Variants in IQCK observed in about 807,000 individuals in gnomAD.
The protein encoded by IQCK is IQ domain-containing protein K.
IQCK carries 29 observed loss-of-function variants against 28.1 expected under a neutral mutation model. That is an observed-to-expected ratio of 1.03 (90% CI 0.77 to 1.41). The LOEUF (loss-of-function observed/expected upper bound fraction) is 1.41, where lower values mean the gene tolerates loss of function less well. Among genes scored for constraint, IQCK ranks in the 40% most tolerant of loss-of-function variants. The pLI, the probability that IQCK is intolerant of heterozygous loss-of-function variation, is 0.00. For synonymous variants in IQCK, 113 were observed against 115.1 expected, an observed-to-expected ratio of 0.98 and a Z score of 0.12; for missense variants, 359 against 314.7, an observed-to-expected ratio of 1.14 and a Z score of -1.07.
intron 9 of IQCK, among the ~76,000 whole-genome samples, chr16:19,846,912 C>T (rs994778031): frequency 1.3e-5 from 2 of 151,948 alleles, no homozygotes; most frequent in Non-Finnish European, 2.9e-5. Context: ...ATAATACACT[C>T]CCCTGCCTTT....
At chr16:19,729,891 G>A (rs946746289) in intron 1 of IQCK, among the ~76,000 whole-genome samples, 4 of 151,620 alleles carry the variant, frequency 2.6e-5, no homozygotes, top group East Asian at 2.0e-4. Flanking sequence ...TGATCCGCCC[G>A]CCTCTGCCTC....
chr16:19,725,379 T>C (rs1490325887), intron 1 of IQCK, among the ~76,000 whole-genome samples: 1 of 152,130 alleles, frequency 6.6e-6, no homozygotes, highest in Non-Finnish European at 1.5e-5. Context: ...ATATTTGTTG[T>C]AGAGACAGGG....
chr16:19,730,494 GGTGA>G lies in IQCK; in HGVS notation c.246+3_246+6del, dbSNP rs756983253. The G allele has an allele frequency of 5.0e-6, 8 of 1,605,050 alleles. No individual in the cohort carries two copies. Among genetic ancestry groups the G allele is most frequent in the Non-Finnish European group, 6.8e-6 (8 of 1,175,084 alleles). ...AAGTCAAACAGGAGCCTGTGATTAC[GGTGA>G]GTATTACCTAGGCCTCAACCGAAGC... On this transcript the variant is annotated splice_donor_variant and splice_donor_region_variant and intron_variant, in intron 2 of 7. Coordinates refer to ENST00000564186, the Ensembl canonical transcript of IQCK. LOFTEE classifies it high-confidence loss of function.
intron 6 of IQCK, among the ~76,000 whole-genome samples, chr16:19,766,258 G>A (rs1360299214): frequency 2.0e-5 from 3 of 152,242 alleles, no homozygotes; most frequent in South Asian, 2.1e-4. Flanking sequence ...ATAAAGTATG[G>A]CCCTGGCCCC....
At chr16:19,815,838 A>G (rs1437462753) in intron 7 of IQCK, among the ~76,000 whole-genome samples, 1 of 152,230 alleles carries the variant, frequency 6.6e-6, no homozygotes, top group African/African-American at 2.4e-5. Flanking sequence ...TGAATATTTT[A>G]TTAATATAAG....
intron 2 of IQCK, among the ~76,000 whole-genome samples, chr16:19,733,483 C>T (rs982054261): frequency 3.3e-5 from 5 of 152,094 alleles, no homozygotes; most frequent in African/African-American, 1.2e-4. Flanking sequence ...ACAAACGTCT[C>T]ATCCACAGCT....
chr16:19,842,436 T>C (rs2056372183), intron 9 of IQCK, among the ~76,000 whole-genome samples: 1 of 152,242 alleles, frequency 6.6e-6, no homozygotes, highest in Admixed American at 6.5e-5. Context: ...AGATTTTCCC[T>C]GAATTTGCCA....
chr16:19,754,305 G>A (rs1291564133), intron 4 of IQCK, among the ~76,000 whole-genome samples: 1 of 152,188 alleles, frequency 6.6e-6, no homozygotes, highest in African/African-American at 2.4e-5. Flanking sequence ...CTGGAACAAT[G>A]CACTTTGCTT....
chr16:19,725,631 T>G (rs528214822), intron 1 of IQCK, among the ~76,000 whole-genome samples: 2 of 152,352 alleles, frequency 1.3e-5, no homozygotes, highest in South Asian at 2.1e-4. Context: ...AGTCCAGTAC[T>G]CTACAAACTT....
rs569298487 is a variant in IQCK at position 19,721,007 on chromosome 16, G to A, written c.181+2520G>A. Among the ~76,000 whole-genome samples, 300 of 147,440 alleles carry A rather than the reference G, an allele frequency of 2.0e-3. 3 individuals carry two copies. Among genetic ancestry groups the A allele is most frequent in the African/African-American group, 7.1e-3 (282 of 39,710 alleles). ...AGCCTGGGCAACAAAGTAAGAATCC[G>A]TCTAGAAAAAAAAAAAAAACAATTC... On this transcript the variant is annotated intron_variant, in intron 1 of 7. Coordinates refer to ENST00000564186, the Ensembl canonical transcript of IQCK.
At chr16:19,735,908 T>A in intron 4 of IQCK, 1 of 334,526 alleles carries the variant, frequency 3.0e-6, no homozygotes, top group Non-Finnish European at 5.8e-6. Flanking sequence ...AAAAAAATTT[T>A]TTTTTAAATT....
At chr16:19,762,800 GAGCTT>G (rs1035972742) in intron 4 of IQCK, among the ~76,000 whole-genome samples, 1 of 152,144 alleles carries the variant, frequency 6.6e-6, no homozygotes, top group Non-Finnish European at 1.5e-5. Context: ...CAGACTGCTT[GAGCTT>G]AGGAGTTCAA....
intron 4 of IQCK, among the ~76,000 whole-genome samples, chr16:19,755,149 G>A (rs1211977444): frequency 1.3e-5 from 2 of 152,140 alleles, no homozygotes; most frequent in Non-Finnish European, 2.9e-5. Context: ...GGGAATTATC[G>A]GGTATCTGGA....
intron 9 of IQCK, among the ~76,000 whole-genome samples, chr16:19,856,104 T>A (rs1597618237): frequency 6.6e-6 from 1 of 152,282 alleles, no homozygotes; most frequent in East Asian, 1.9e-4. Context: ...CCCTGAGTTT[T>A]CCATTTTGGG....
intron 4 of IQCK, among the ~76,000 whole-genome samples, chr16:19,763,231 A>G (rs2055175865): frequency 6.6e-6 from 1 of 152,210 alleles, no homozygotes; most frequent in African/African-American, 2.4e-5. Flanking sequence ...CTTATAAGTA[A>G]GGTAGCAAAA....
At chr16:19,720,193 A>G (rs1182099987) in intron 1 of IQCK, among the ~76,000 whole-genome samples, 1 of 152,124 alleles carries the variant, frequency 6.6e-6, no homozygotes, top group Admixed American at 6.5e-5. Flanking sequence ...CCAGTACTTA[A>G]ATTCCTTCTC....
Position 19,774,398 on chromosome 16 carries a change from C to CTTTTTTT in IQCK, c.605+10307_605+10313dup, listed in dbSNP as rs1167894201. Among the ~76,000 whole-genome samples, 21 of 104,098 alleles carry CTTTTTTT rather than the reference C, an allele frequency of 2.0e-4. 1 individual carries two copies. Among genetic ancestry groups the CTTTTTTT allele is most frequent in the African/African-American group, 7.4e-4 (20 of 27,112 alleles). 68.3% of individuals were successfully genotyped at this position (104,098 alleles called of 152,430 possible). ...AAGGGAATTATTTATTTAGCTAATA[C>CTTTTTTT]TTTTTTTTTTTTTTTTTTTTTTTTT... On this transcript the variant is annotated intron_variant, in intron 6 of 7. Transcript: ENST00000564186.
intron 6 of IQCK, among the ~76,000 whole-genome samples, chr16:19,782,279 A>G (rs1196692314): frequency 1.3e-4 from 19 of 147,920 alleles, no homozygotes; most frequent in East Asian, 1.1e-3. Flanking sequence ...CCAGCTACTC[A>G]GGAGGCTGAG....
intron 4 of IQCK, 174 bp downstream of exon 4, chr16:19,735,624 A>G (rs1302247994): frequency 2.2e-5 from 13 of 600,784 alleles, no homozygotes; most frequent in African/African-American, 3.7e-5. Flanking sequence ...AGTTGTGCAC[A>G]TACATGCGCT....
Sources: gnomAD v4.1 joint callset for allele counts (sites outside exome capture counted in the v4.1 genomes callset) on GRCh38, gnomAD v4.1.1 for gene constraint, MANE v1.5 for transcripts, NCBI Gene and HGNC (gene_info 2026-07-23, HGNC 2026-07-21) for gene names.